CUX1: variants seen among roughly 807,000 people sequenced by gnomAD.
The protein encoded by CUX1 is cut like homeobox 1.
In CUX1, 31 loss-of-function variants were observed where a neutral mutation model predicts 158.8. That is an observed-to-expected ratio of 0.20 (90% CI 0.15 to 0.26). The LOEUF (loss-of-function observed/expected upper bound fraction) is 0.26, where lower values mean the gene tolerates loss of function less well. CUX1 is among the 10% of genes least tolerant of loss of function. The pLI, the probability that CUX1 is intolerant of heterozygous loss-of-function variation, is 1.00. For missense variants in CUX1, 1,589 were observed against 2,014.6 expected, an observed-to-expected ratio of 0.79 and a Z score of 4.04; for synonymous variants, 879 against 862.1, an observed-to-expected ratio of 1.02 and a Z score of -0.34.
In CUX1 at chr7:102,253,049, G is replaced by C. The variant is rs1289125418; in HGVS notation, c.*4007G>C. On this transcript the variant is annotated 3_prime_UTR_variant, in exon 24 of 24. Transcript: ENST00000292535. The stretch of plus-strand genomic sequence containing the variant: ...CAAGTAATTGAGGCAAAAGATACCA[G>C]TCGACAGCCTCCCTGGGGTAGATCC... The C allele has an allele frequency of 2.0e-6, 2 of 985,314 alleles. No homozygotes were observed. Among genetic ancestry groups the C allele is most frequent in the African/African-American group, 3.5e-5 (2 of 57,238 alleles). The allele number at this position is 985,314 out of a possible 1,614,324, so 61.0% of individuals were successfully genotyped here.
intron 2 of CUX1, among the ~76,000 whole-genome samples, chr7:101,936,929 T>A (rs1024978052): frequency 1.3e-5 from 2 of 152,186 alleles, no homozygotes; most frequent in Non-Finnish European, 2.9e-5. Context: ...TGTGTGTGTA[T>A]GCTTGTTAAA....
At chr7:101,899,258 A>G (rs72603511) in intron 1 of CUX1, among the ~76,000 whole-genome samples, 32,663 of 152,202 alleles carry the variant, frequency 0.21, 5,272 homozygotes, top group East Asian at 0.84. Flanking sequence ...TCCTCAAGAA[A>G]TCACAGGAGG....
rs1331446846 is a variant in CUX1 at position 102,254,097 on chromosome 7, A to G, written c.*5055A>G. 3.0e-6 allele frequency: 3 copies of G among 985,300 alleles called. No homozygotes were observed. In the African/African-American group the frequency reaches 5.2e-5, roughly 17 times the overall value. The allele number at this position is 985,300 out of a possible 1,614,324, so 61.0% of individuals were successfully genotyped here. On this transcript the variant is annotated 3_prime_UTR_variant, in exon 24 of 24. Coordinates refer to ENST00000292535, the MANE Select transcript of CUX1 (RefSeq NM_181552.4). ...GTGTCTCTCCTTTTGTGAGCGCAACACGGACAAACAGCTGTGCTCTGCAAG... is the reference window on the plus strand; with the variant it reads ...GTGTCTCTCCTTTTGTGAGCGCAACGCGGACAAACAGCTGTGCTCTGCAAG...
rs1586441313 is a variant in CUX1 at position 102,249,684 on chromosome 7, G to A, written c.*642G>A. ...TTAAACCAGGAAAAAATAAAAGGGG[G>A]GGTGGGATTTTTCAGAAAAATTAAA... On this transcript the variant is annotated 3_prime_UTR_variant, in exon 24 of 24. Transcript: ENST00000292535. 1 of 985,440 alleles carries A rather than the reference G, an allele frequency of 1.0e-6. No homozygotes were observed. Among genetic ancestry groups the A allele is most frequent in the African/African-American group, 1.7e-5 (1 of 57,190 alleles). The allele number at this position is 985,440 out of a possible 1,614,324, so 61.0% of individuals were successfully genotyped here.
chr7:101,838,245 C>T (rs1186435614), intron 1 of CUX1, among the ~76,000 whole-genome samples: 1 of 151,456 alleles, frequency 6.6e-6, no homozygotes, highest in Non-Finnish European at 1.5e-5. Context: ...TTCTCTTGCC[C>T]CAGCCTCCTG....
At chr7:102,073,015 A>C (rs67245174) in intron 4 of CUX1, among the ~76,000 whole-genome samples, 22,106 of 151,910 alleles carry the variant, frequency 0.15, 1,697 homozygotes, top group Middle Eastern at 0.21. Flanking sequence ...CACTTCTGGG[A>C]GCAGGATCCC....
At chr7:102,274,811 G>C (rs1189690308) in intron 16 of CUX1, among the ~76,000 whole-genome samples, 1 of 152,230 alleles carries the variant, frequency 6.6e-6, no homozygotes, top group Non-Finnish European at 1.5e-5. Context: ...CTTGGGTATT[G>C]AGGACAGAAA....
rs922814256 is a variant in CUX1, at chr7:102,082,474, G to A, written c.268+12057G>A. On this transcript the variant is annotated intron_variant, in intron 4 of 23. Coordinates refer to ENST00000292535, the MANE Select transcript of CUX1 (RefSeq NM_181552.4). ...CCAGGAGGTACAGTGAGCCAAGATC[G>A]CGCCACTGCACTCCAGCCTGGGCAA... Among the ~76,000 whole-genome samples, 18 of 147,084 alleles carry A rather than the reference G, an allele frequency of 1.2e-4. 1 individual carries two copies. Among genetic ancestry groups the A allele is most frequent in the Non-Finnish European group, 2.6e-4 (17 of 65,098 alleles).
chr7:101,946,351 C>G (rs113291805), intron 2 of CUX1, among the ~76,000 whole-genome samples: 1 of 152,216 alleles, frequency 6.6e-6, no homozygotes, highest in Non-Finnish European at 1.5e-5. Context: ...TGAGACCAAC[C>G]TGGCCAACGT....
intron 20 of CUX1, among the ~76,000 whole-genome samples, chr7:102,227,010 T>A (rs1798405030): frequency 6.6e-6 from 1 of 152,182 alleles, no homozygotes; most frequent in Non-Finnish European, 1.5e-5. Context: ...CAAGTTATGA[T>A]CTAGCCAAAG....
intron 3 of CUX1, among the ~76,000 whole-genome samples, chr7:102,056,159 A>G (rs779895800): frequency 1.4e-4 from 21 of 152,382 alleles, no homozygotes; most frequent in Non-Finnish European, 2.8e-4. Flanking sequence ...GTGCAAAGTA[A>G]AGCAGCAAAT....
At chr7:102,051,691 G>C (rs1477677588) in intron 3 of CUX1, among the ~76,000 whole-genome samples, 2 of 150,716 alleles carry the variant, frequency 1.3e-5, no homozygotes, top group South Asian at 2.1e-4. Flanking sequence ...CATGTCTATA[G>C]GTGCTTGTAA....
chr7:102,147,465 G>A (rs1338991902), intron 8 of CUX1, among the ~76,000 whole-genome samples: 1 of 152,152 alleles, frequency 6.6e-6, no homozygotes, highest in Admixed American at 6.5e-5. Context: ...TGGACAAAAA[G>A]AAGCCTAATT....
At chr7:102,122,742 A>G (rs560814129) in intron 8 of CUX1, among the ~76,000 whole-genome samples, 3 of 152,306 alleles carry the variant, frequency 2.0e-5, no homozygotes, top group East Asian at 1.9e-4. Flanking sequence ...AGACATGTCT[A>G]TTGCAAAGCA....
intron 1 of CUX1, among the ~76,000 whole-genome samples, chr7:101,843,024 C>T (rs540456557): frequency 1.3e-5 from 2 of 151,808 alleles, no homozygotes; most frequent in Non-Finnish European, 2.9e-5. Context: ...CACCACCACA[C>T]CCAGCTAATT....
intron 18 of CUX1, among the ~76,000 whole-genome samples, chr7:102,202,650 A>G (rs1443740088): frequency 6.6e-6 from 1 of 152,170 alleles, no homozygotes; most frequent in African/African-American, 2.4e-5. Context: ...CAGAGGGACC[A>G]CCAGTACGCA....
At position 102,245,119 on chromosome 7, in the gene CUX1, C is replaced by T. The variant is rs572861902; in HGVS notation, c.3888-3293C>T. ...GTGCAGTGGCAAAATCTCAGCTCAC[C>T]GCAGCCTTGAACTCCCAGGCTCAGC... On this transcript the variant is annotated intron_variant, in intron 23 of 23. Coordinates refer to ENST00000292535, the MANE Select transcript of CUX1 (RefSeq NM_181552.4). Among the ~76,000 whole-genome samples, 11 of 152,244 alleles carry T rather than the reference C, an allele frequency of 7.2e-5. No homozygotes were observed. In the South Asian group the frequency reaches 1.2e-3, roughly 17 times the overall value.
rs1162727378 is a variant in CUX1 at position 102,257,286 on chromosome 7, G to A, written c.*8244G>A. 8 of 983,648 alleles carry A rather than the reference G, an allele frequency of 8.1e-6. No homozygotes were observed. The African/African-American group carries it at 1.2e-4, about 15-fold the overall frequency. 60.9% of individuals were successfully genotyped at this position (983,648 alleles called of 1,614,324 possible). ...AAAGAAACCCTCCACCGAAACAATGGTCCCCATCTCCCCAGAAGCCTTTTT... is the reference window on the plus strand; with the variant it reads ...AAAGAAACCCTCCACCGAAACAATGATCCCCATCTCCCCAGAAGCCTTTTT... On this transcript the variant is annotated 3_prime_UTR_variant, in exon 24 of 24. Transcript: ENST00000292535.
intron 9 of CUX1, among the ~76,000 whole-genome samples, chr7:102,160,880 C>T (rs1246045779): frequency 1.3e-5 from 2 of 152,128 alleles, no homozygotes; most frequent in African/African-American, 4.8e-5. Context: ...ACCACGTAAA[C>T]GTCCTTGACG....
Sources: gnomAD v4.1 joint callset for allele counts (sites outside exome capture counted in the v4.1 genomes callset) on GRCh38, gnomAD v4.1.1 for gene constraint, MANE v1.5 for transcripts, NCBI Gene and HGNC (gene_info 2026-07-23, HGNC 2026-07-21) for gene names.